PTPRM: variants seen among roughly 807,000 people sequenced by gnomAD.
The protein encoded by PTPRM is receptor-type tyrosine-protein phosphatase mu.
A neutral mutation model predicts 186.7 loss-of-function variants in PTPRM; 47 were observed. The observed-to-expected ratio is 0.25, with a 90% CI of 0.20 to 0.32. PTPRM has a LOEUF of 0.32. Among genes scored for constraint, PTPRM ranks in the 10% least tolerant of loss-of-function variants. PTPRM has a pLI of 1.00. For synonymous variants in PTPRM, 668 were observed against 674.9 expected (o/e 0.99, Z 0.16); for missense variants, 1,494 against 1,865.0 (o/e 0.80, Z 3.66).
At chr18:7,587,511 G>A (rs1456119120) in intron 1 of PTPRM, among the ~76,000 whole-genome samples, 2 of 152,104 alleles carry the variant, frequency 1.3e-5, no homozygotes, top group Non-Finnish European at 1.5e-5. Context: ...GGGAAACCAA[G>A]TAGTCTCAAA....
chr18:8,000,411 A>G (rs781157112), intron 7 of PTPRM, among the ~76,000 whole-genome samples: 1 of 152,238 alleles, frequency 6.6e-6, no homozygotes, highest in African/African-American at 2.4e-5. Flanking sequence ...CTTTTGATGT[A>G]TAATGGTCTT....
At chr18:8,018,196 T>C (rs2084993785) in intron 7 of PTPRM, 1 of 152,182 alleles carries the variant, frequency 6.6e-6, no homozygotes, top group African/African-American at 2.4e-5. Context: ...AAGGGAAGAT[T>C]GCTGGAGCCC....
intron 14 of PTPRM, among the ~76,000 whole-genome samples, chr18:8,171,825 A>G (rs1230885941): frequency 1.3e-5 from 2 of 152,320 alleles, no homozygotes; most frequent in East Asian, 3.9e-4. Flanking sequence ...ACCCAACTTC[A>G]TAGGTTAGCC....
At chr18:7,774,297 T>C in intron 2 of PTPRM, 26 bp downstream of exon 2, 1 of 1,611,716 alleles carries the variant, frequency 6.2e-7, no homozygotes, top group South Asian at 1.1e-5. Context: ...TAAGTTTTGT[T>C]TTAAAGAGGA....
intron 17 of PTPRM, among the ~76,000 whole-genome samples, chr18:8,249,354 T>C (rs931998468): frequency 1.3e-5 from 2 of 151,306 alleles, no homozygotes; most frequent in African/African-American, 4.9e-5. Context: ...TAAAACAGAG[T>C]TTTTAAATTT....
chr18:8,285,191 A>G (rs1291846799), intron 19 of PTPRM, among the ~76,000 whole-genome samples: 1 of 152,224 alleles, frequency 6.6e-6, no homozygotes, highest in Non-Finnish European at 1.5e-5. Flanking sequence ...ACTGACATTC[A>G]CAGGTTTTAA....
chr18:8,350,387 C>T (rs1415273715), intron 23 of PTPRM, among the ~76,000 whole-genome samples: 2 of 152,202 alleles, frequency 1.3e-5, no homozygotes, highest in African/African-American at 4.8e-5. Context: ...GCTTTCCCCC[C>T]AAACCTGCTG....
At chr18:8,087,041 C>G (rs2090468771) in intron 10 of PTPRM, among the ~76,000 whole-genome samples, 1 of 151,996 alleles carries the variant, frequency 6.6e-6, no homozygotes, top group Admixed American at 6.6e-5. Context: ...GACCACTGGA[C>G]TTGGAATCAA....
At chr18:7,841,529 C>G (rs1366644517) in intron 2 of PTPRM, among the ~76,000 whole-genome samples, 2 of 151,926 alleles carry the variant, frequency 1.3e-5, no homozygotes, top group East Asian at 3.9e-4. Context: ...CTCCTGACTT[C>G]GTGATCCACC....
At chr18:8,356,581 G>A (rs1380058948) in intron 23 of PTPRM, among the ~76,000 whole-genome samples, 1 of 152,218 alleles carries the variant, frequency 6.6e-6, no homozygotes, top group African/African-American at 2.4e-5. Flanking sequence ...GCCATGGGCT[G>A]AGAAGCTGGA....
intron 30 of PTPRM, among the ~76,000 whole-genome samples, chr18:8,386,435 G>A (rs898056289): frequency 2.0e-5 from 3 of 152,136 alleles, no homozygotes; most frequent in African/African-American, 4.8e-5. Context: ...TGAGGAAAGC[G>A]TGTTGACAAG....
chr18:8,071,241 C>T (rs964843978), intron 8 of PTPRM, among the ~76,000 whole-genome samples: 1 of 152,214 alleles, frequency 6.6e-6, no homozygotes, highest in African/African-American at 2.4e-5. Context: ...ATGGTGTCCA[C>T]ATTGTCATCA....
chr18:7,994,254 AG>A (rs1347349121), intron 7 of PTPRM, among the ~76,000 whole-genome samples: 7 of 135,762 alleles, frequency 5.2e-5, no homozygotes, highest in African/African-American at 2.0e-4. Context: ...ATTCAGCAAG[AG>A]GATATAAATA....
chr18:8,307,312 G>A (rs11876184), intron 20 of PTPRM, among the ~76,000 whole-genome samples: 4,677 of 152,266 alleles, frequency 0.031, 224 homozygotes, highest in African/African-American at 0.11. Flanking sequence ...TGATCAGCCT[G>A]CTGCTCTCCA....
At chr18:7,936,668 G>A (rs1006485411) in intron 5 of PTPRM, among the ~76,000 whole-genome samples, 7 of 152,278 alleles carry the variant, frequency 4.6e-5, no homozygotes, top group Admixed American at 1.3e-4. Flanking sequence ...GGAGTTCCCC[G>A]GTGAAGTCCC....
intron 1 of PTPRM, among the ~76,000 whole-genome samples, chr18:7,591,383 G>A (rs1056907161): frequency 6.6e-6 from 1 of 152,158 alleles, no homozygotes; most frequent in African/African-American, 2.4e-5. Context: ...AGTGGTCAGA[G>A]GGAGGGAGTG....
intron 31 of PTPRM, among the ~76,000 whole-genome samples, chr18:8,390,487 A>G (rs2095803884): frequency 1.3e-5 from 2 of 152,226 alleles, no homozygotes. Context: ...GAAGCAAGGC[A>G]GTGGGAGGAG....
chr18:8,252,625 C>A, intron 18 of PTPRM, 126 bp downstream of exon 18: 1 of 918,032 alleles, frequency 1.1e-6, no homozygotes, highest in Non-Finnish European at 1.8e-6. Flanking sequence ...CTTTGTAGAA[C>A]ATTCCATGTG....
chr18:7,957,774 A>C (rs2053411543), intron 7 of PTPRM, among the ~76,000 whole-genome samples: 1 of 152,218 alleles, frequency 6.6e-6, no homozygotes, highest in South Asian at 2.1e-4. Context: ...GATTATGATC[A>C]GTGTGGAATT....
Sources: gnomAD v4.1 joint callset for allele counts (sites outside exome capture counted in the v4.1 genomes callset) on GRCh38, gnomAD v4.1.1 for gene constraint, MANE v1.5 for transcripts, NCBI Gene and HGNC (gene_info 2026-07-23, HGNC 2026-07-21) for gene names.